The following EPB41L4A variants were observed in gnomAD, a reference collection of about 807,000 sequenced individuals.
EPB41L4A encodes the protein band 4.1-like protein 4A.
In EPB41L4A, 100 loss-of-function variants were observed where a neutral mutation model predicts 108.6. That is an observed-to-expected ratio of 0.92 (90% CI 0.78 to 1.09). The LOEUF is 1.09. Among genes scored for constraint, EPB41L4A ranks in the 50% least tolerant of loss-of-function variants. The pLI is 0.00. For missense variants in EPB41L4A, 1,030 were observed against 842.7 expected (o/e 1.22, Z -2.75); for synonymous variants, 319 against 289.0 (o/e 1.10, Z -1.05).
chr5:112,171,202 AC>A (rs1760563459), intron 18 of EPB41L4A, among the ~76,000 whole-genome samples: 1 of 152,142 alleles, frequency 6.6e-6, no homozygotes, highest in African/African-American at 2.4e-5. Context: ...AAATCATAAA[AC>A]CCAGTCATAA....
chr5:112,403,221 C>A (rs1229959289), intron 1 of EPB41L4A, among the ~76,000 whole-genome samples: 3 of 151,884 alleles, frequency 2.0e-5, no homozygotes, highest in Non-Finnish European at 4.4e-5. Context: ...ACTGTCAAAA[C>A]CTGCTTTCCC....
chr5:112,349,258 CT>C (rs957975699), intron 1 of EPB41L4A, among the ~76,000 whole-genome samples: 11 of 148,744 alleles, frequency 7.4e-5, no homozygotes, highest in Admixed American at 2.7e-4. Context: ...AGAAAGTATA[CT>C]TTTTTTTTTA....
At chr5:112,418,576 C>A (rs917583143) in intron 1 of EPB41L4A, among the ~76,000 whole-genome samples, 1 of 152,168 alleles carries the variant, frequency 6.6e-6, no homozygotes, top group Non-Finnish European at 1.5e-5. Flanking sequence ...TCGAGGGAAA[C>A]CATGCCTTCC....
rs1007759031 is a variant in EPB41L4A at position 112,164,488 on chromosome 5, A to G, written c.*502T>C. ...CCTGTTCCAGAAATGAAAATGTGGTATCAAGTGAATTTTTACAAAATACTT... is the reference window on the plus strand; with the variant it reads ...CCTGTTCCAGAAATGAAAATGTGGTGTCAAGTGAATTTTTACAAAATACTT... On this transcript the variant is annotated 3_prime_UTR_variant, in exon 23 of 23. Coordinates refer to ENST00000261486, the MANE Select transcript of EPB41L4A (RefSeq NM_022140.5). 3.9e-5 allele frequency: 6 copies of G among 152,260 alleles called. No homozygotes were observed. Among genetic ancestry groups the G allele is most frequent in the African/African-American group, 1.4e-4 (6 of 41,410 alleles). 9.4% of individuals were successfully genotyped at this position (152,260 alleles called of 1,614,324 possible).
intron 1 of EPB41L4A, among the ~76,000 whole-genome samples, chr5:112,388,510 T>C (rs1310270964): frequency 6.6e-6 from 1 of 152,048 alleles, no homozygotes; most frequent in Non-Finnish European, 1.5e-5. Flanking sequence ...CTCCCACAGG[T>C]GACTGTAATG....
intron 9 of EPB41L4A, among the ~76,000 whole-genome samples, chr5:112,246,770 T>C (rs879163171): frequency 1.3e-5 from 2 of 152,212 alleles, no homozygotes; most frequent in Admixed American, 1.3e-4. Flanking sequence ...TCTGCCCCTT[T>C]GTGTCATCCT....
Position 112,169,571 on chromosome 5 carries a change from GAT to G in EPB41L4A, c.1740-468_1740-467del, listed in dbSNP as rs149057388. 7.4e-3 allele frequency among the ~76,000 whole-genome samples: 1,126 copies of G among 152,102 alleles called. 17 individuals are homozygous for G. Among genetic ancestry groups the G allele is most frequent in the African/African-American group, 0.025 (1,042 of 41,474 alleles). On this transcript the variant is annotated intron_variant, in intron 20 of 22. Transcript: ENST00000261486. ...TCCATAAAAAAAAAGTATGTGAGGT[GAT>G]AGATACATTAGCTTGACTTCAGCAT...
intron 1 of EPB41L4A, among the ~76,000 whole-genome samples, chr5:112,337,079 T>G (rs1756965472): frequency 6.6e-6 from 1 of 152,194 alleles, no homozygotes. Flanking sequence ...GTGTTTACCT[T>G]TTGAGCCTGT....
chr5:112,203,171 C>T (rs555031936), intron 15 of EPB41L4A, among the ~76,000 whole-genome samples: 6 of 152,120 alleles, frequency 3.9e-5, no homozygotes, highest in South Asian at 2.1e-4. Flanking sequence ...TCGAGACCAA[C>T]GTGGAGAAAC....
At chr5:112,200,634 G>C (rs1474566485) in intron 15 of EPB41L4A, among the ~76,000 whole-genome samples, 1 of 152,166 alleles carries the variant, frequency 6.6e-6, no homozygotes, top group Non-Finnish European at 1.5e-5. Flanking sequence ...GAAAGCTGAG[G>C]AGTGAAAATA....
At chr5:112,299,591 G>A (rs1433475044) in intron 2 of EPB41L4A, among the ~76,000 whole-genome samples, 2 of 152,164 alleles carry the variant, frequency 1.3e-5, no homozygotes, top group Non-Finnish European at 2.9e-5. Context: ...GATCACCTGA[G>A]TTCAGGAGTT....
At chr5:112,302,059 A>G (rs974657183) in intron 2 of EPB41L4A, among the ~76,000 whole-genome samples, 2 of 152,176 alleles carry the variant, frequency 1.3e-5, no homozygotes, top group African/African-American at 4.8e-5. Context: ...CAAAATTGCT[A>G]TGAAATATAA....
intron 12 of EPB41L4A, among the ~76,000 whole-genome samples, chr5:112,219,758 C>A (rs2150333845): frequency 6.6e-6 from 1 of 152,282 alleles, no homozygotes; most frequent in South Asian, 2.1e-4. Context: ...TGCAATAGAG[C>A]AATCTTGGCT....
chr5:112,255,728 G>C (rs1751037482), intron 9 of EPB41L4A, among the ~76,000 whole-genome samples: 1 of 152,092 alleles, frequency 6.6e-6, no homozygotes, highest in Non-Finnish European at 1.5e-5. Context: ...AAAAGTAGCA[G>C]ATGCCAATTT....
intron 1 of EPB41L4A, among the ~76,000 whole-genome samples, chr5:112,402,317 G>C (rs1580840015): frequency 6.6e-6 from 1 of 151,864 alleles, no homozygotes; most frequent in South Asian, 2.1e-4. Flanking sequence ...ACAGCCTGCA[G>C]AACTATGAGC....
intron 4 of EPB41L4A, among the ~76,000 whole-genome samples, chr5:112,267,580 T>C: frequency 6.6e-6 from 1 of 152,230 alleles, no homozygotes; most frequent in East Asian, 1.9e-4. Context: ...TAATCATCCC[T>C]GGCACCCACA....
intron 12 of EPB41L4A, among the ~76,000 whole-genome samples, chr5:112,232,524 G>A (rs1241449542): frequency 6.6e-6 from 1 of 152,216 alleles, no homozygotes; most frequent in African/African-American, 2.4e-5. Context: ...CCCAACAAGA[G>A]GAGGGGAACT....
chr5:112,317,384 C>T (rs1487190196), intron 1 of EPB41L4A, among the ~76,000 whole-genome samples: 1 of 152,066 alleles, frequency 6.6e-6, no homozygotes, highest in Non-Finnish European at 1.5e-5. Flanking sequence ...TATAAATAAG[C>T]TCAAAAAGGT....
At chr5:112,185,694 T>C (rs1761393639) in intron 17 of EPB41L4A, among the ~76,000 whole-genome samples, 1 of 152,108 alleles carries the variant, frequency 6.6e-6, no homozygotes, top group Non-Finnish European at 1.5e-5. Flanking sequence ...ATGTACAGAG[T>C]AAATTTAAAT....
Sources: gnomAD v4.1 joint callset for allele counts (sites outside exome capture counted in the v4.1 genomes callset) on GRCh38, gnomAD v4.1.1 for gene constraint, MANE v1.5 for transcripts, NCBI Gene and HGNC (gene_info 2026-07-23, HGNC 2026-07-21) for gene names.